SYT16: variants seen among roughly 807,000 people sequenced by gnomAD.
SYT16 encodes the protein synaptotagmin 16.
SYT16 carries 42 observed loss-of-function variants against 61.4 expected under a neutral mutation model. The ratio of observed to expected loss-of-function variants is 0.68; its 90% CI spans 0.53 to 0.89. SYT16 has a LOEUF of 0.89. SYT16 is among the 40% of genes least tolerant of loss of function. The pLI, the probability that SYT16 is intolerant of heterozygous loss-of-function variation, is 0.00. For missense variants in SYT16, 804 were observed against 807.3 expected, an observed-to-expected ratio of 1.00 and a Z score of 0.05; for synonymous variants, 314 against 302.3, an observed-to-expected ratio of 1.04 and a Z score of -0.40.
At chr14:61,824,138 T>A (rs2045700918) in intron 1 of SYT16, among the ~76,000 whole-genome samples, 1 of 152,164 alleles carries the variant, frequency 6.6e-6, no homozygotes, top group African/African-American at 2.4e-5. Flanking sequence ...CCGAGTCCCA[T>A]GCTGTTCTGT....
intron 1 of SYT16, among the ~76,000 whole-genome samples, chr14:61,867,240 T>C (rs1405079447): frequency 6.6e-6 from 1 of 152,144 alleles, no homozygotes; most frequent in African/African-American, 2.4e-5. Context: ...TAGGTCATTT[T>C]ATTTCCATGT....
rs2057471339 is a variant in SYT16, at chr14:62,104,123, C to G, written c.*3416C>G. The G allele has an allele frequency of 6.6e-6, 1 of 152,220 alleles. No homozygotes were observed. The highest frequency in any genetic ancestry group is 1.5e-5 in the Non-Finnish European group (1 of 68,040). The allele number at this position is 152,220 out of a possible 1,614,324, so 9.4% of individuals were successfully genotyped here. Reference sequence around the variant, plus strand: ...CATTAGGTTAAATCAAAGTGCTTCTCTGATAGCCACCAATTTGATTTAATT... The same window carrying G: ...CATTAGGTTAAATCAAAGTGCTTCTGTGATAGCCACCAATTTGATTTAATT... On this transcript the variant is annotated 3_prime_UTR_variant, in exon 8 of 8. Coordinates refer to ENST00000683842, the MANE Select transcript of SYT16 (RefSeq NM_001367656.1).
At chr14:61,967,546 A>G (rs1005302738) in intron 1 of SYT16, among the ~76,000 whole-genome samples, 1 of 152,096 alleles carries the variant, frequency 6.6e-6, no homozygotes, top group Non-Finnish European at 1.5e-5. Flanking sequence ...CACCCTTCGC[A>G]GTCCTTAACT....
At chr14:61,864,845 C>T (rs2047087186) in intron 1 of SYT16, 1 of 1,063,116 alleles carries the variant, frequency 9.4e-7, no homozygotes. Flanking sequence ...GCCTTGCTAT[C>T]GCTGCATATT....
At chr14:61,924,479 A>C (rs2049457898) in intron 1 of SYT16, among the ~76,000 whole-genome samples, 1 of 152,192 alleles carries the variant, frequency 6.6e-6, no homozygotes. Context: ...GTGTGTTATG[A>C]ATTCAGAACG....
intron 1 of SYT16, among the ~76,000 whole-genome samples, chr14:61,865,507 G>A (rs780939632): frequency 6.6e-6 from 1 of 152,132 alleles, no homozygotes; most frequent in Non-Finnish European, 1.5e-5. Context: ...GGACCTCATG[G>A]CCTGGGCTGC....
intron 1 of SYT16, among the ~76,000 whole-genome samples, chr14:61,967,735 A>G (rs1273863998): frequency 1.3e-5 from 2 of 152,132 alleles, no homozygotes; most frequent in Non-Finnish European, 2.9e-5. Flanking sequence ...TTTATTCCAT[A>G]TAGGGTCACC....
intron 1 of SYT16, among the ~76,000 whole-genome samples, chr14:61,898,157 CAG>C (rs2048389873): frequency 6.6e-6 from 1 of 152,156 alleles, no homozygotes; most frequent in Non-Finnish European, 1.5e-5. Context: ...AAATGCAAAA[CAG>C]AAGAGTGAAA....
chr14:61,984,362 G>A (rs755289775), intron 2 of SYT16, among the ~76,000 whole-genome samples: 6 of 152,126 alleles, frequency 3.9e-5, no homozygotes, highest in Non-Finnish European at 8.8e-5. Flanking sequence ...AAGCTGAAAT[G>A]AATCAAATGT....
intron 3 of SYT16, among the ~76,000 whole-genome samples, chr14:62,021,321 T>C (rs1269633222): frequency 6.6e-6 from 1 of 152,138 alleles, no homozygotes; most frequent in South Asian, 2.1e-4. Context: ...TGGTCTTAGG[T>C]GGGTGTTACC....
At position 62,030,519 on chromosome 14, in the gene SYT16, C is replaced by G. The variant is rs573763835; in HGVS notation, c.523+33977C>G. Among the ~76,000 whole-genome samples, 5 of 152,174 alleles carry G rather than the reference C, an allele frequency of 3.3e-5. 1 individual carries two copies. Among genetic ancestry groups the G allele is most frequent in the Non-Finnish European group, 2.9e-5 (2 of 68,020 alleles). ...AGAGATACATAGAACTACACCAGTC[C>G]AAATCCCATCTAGATTTGTGCTATA... On this transcript the variant is annotated intron_variant, in intron 3 of 7. Coordinates refer to ENST00000683842, the MANE Select transcript of SYT16 (RefSeq NM_001367656.1).
At chr14:61,963,515 A>G (rs772942515) in intron 1 of SYT16, among the ~76,000 whole-genome samples, 7 of 152,212 alleles carry the variant, frequency 4.6e-5, no homozygotes, top group Non-Finnish European at 8.8e-5. Context: ...CTTTAATTCT[A>G]TGAAGGCTGA....
At chr14:61,839,589 G>A (rs2046239481) in intron 1 of SYT16, among the ~76,000 whole-genome samples, 1 of 152,158 alleles carries the variant, frequency 6.6e-6, no homozygotes, top group Admixed American at 6.5e-5. Flanking sequence ...CAGGCAGTGA[G>A]AACTGCACCA....
intron 2 of SYT16, among the ~76,000 whole-genome samples, chr14:61,990,501 C>A (rs7156650): frequency 0.6 from 91,720 of 151,976 alleles, 29,297 homozygotes; most frequent in African/African-American, 0.8. Context: ...AACTTGTATA[C>A]AATTTTGATT....
chr14:62,034,896 CACAA>C (rs1173194343), intron 3 of SYT16, among the ~76,000 whole-genome samples: 2 of 152,268 alleles, frequency 1.3e-5, no homozygotes, highest in Non-Finnish European at 2.9e-5. Flanking sequence ...AAGGCTTCCT[CACAA>C]ACAAAACAAA....
At chr14:61,948,218 C>T (rs1385177200) in intron 1 of SYT16, among the ~76,000 whole-genome samples, 43 of 152,024 alleles carry the variant, frequency 2.8e-4, no homozygotes, top group Admixed American at 2.8e-3. Context: ...AGGGATCTGG[C>T]AGTATCCTGC....
Position 61,987,584 on chromosome 14 carries a change from T to C in SYT16, c.-144-8292T>C, listed in dbSNP as rs987108003. The stretch of plus-strand genomic sequence containing the variant: ...ATTTAGATGAAAGAATGGGTAGGCC[T>C]TGGTAAGCAATTCTAAAGGAGAAAG... On this transcript the variant is annotated intron_variant, in intron 2 of 7. Coordinates refer to ENST00000683842, the MANE Select transcript of SYT16 (RefSeq NM_001367656.1). Among the ~76,000 whole-genome samples the C allele has an allele frequency of 2.0e-5, 3 of 152,146 alleles. No individual in the cohort carries two copies. The East Asian group carries it at 5.8e-4, about 29-fold the overall frequency.
chr14:62,062,338 G>T (rs2055861955), intron 3 of SYT16, among the ~76,000 whole-genome samples: 1 of 152,112 alleles, frequency 6.6e-6, no homozygotes, highest in South Asian at 2.1e-4. Context: ...GTTTACATCA[G>T]TGTTTTTAAA....
intron 4 of SYT16, among the ~76,000 whole-genome samples, chr14:62,073,972 A>G (rs2056390890): frequency 6.6e-6 from 1 of 152,236 alleles, no homozygotes; most frequent in South Asian, 2.1e-4. Context: ...TTGCTACCAT[A>G]CAATGTATAT....
Sources: allele counts gnomAD v4.1 joint callset (sites outside exome capture counted in the v4.1 genomes callset), GRCh38; gene constraint gnomAD v4.1.1; transcripts MANE v1.5; gene names NCBI Gene and HGNC (gene_info 2026-07-23, HGNC 2026-07-21).